Variants in HTR4 observed in about 807,000 individuals in gnomAD.
HTR4 encodes 5-hydroxytryptamine (serotonin) receptor 4, G protein-coupled.
Under a neutral mutation model 36.8 loss-of-function variants are expected in HTR4, and 16 were observed. The observed-to-expected ratio is 0.43, with a 90% confidence interval of 0.29 to 0.66. The LOEUF is 0.66. Ranked by LOEUF, HTR4 falls within the 30% of genes least tolerant of loss-of-function variation. The pLI is 0.13. For synonymous variants in HTR4, 189 were observed against 185.1 expected, an observed-to-expected ratio of 1.02 and a Z score of -0.17; for missense variants, 438 against 490.9, an observed-to-expected ratio of 0.89 and a Z score of 1.02.
chr5:148,601,140 GAGATAA>G (rs1347777930), intron 2 of HTR4, among the ~76,000 whole-genome samples: 1 of 151,806 alleles, frequency 6.6e-6, no homozygotes, highest in Non-Finnish European at 1.5e-5. Flanking sequence ...AAACCACAAT[GAGATAA>G]CACCTCACAT....
intron 2 of HTR4, among the ~76,000 whole-genome samples, chr5:148,578,860 G>A (rs576605263): frequency 6.6e-6 from 1 of 152,078 alleles, no homozygotes; most frequent in South Asian, 2.1e-4. Context: ...ATAACATATT[G>A]GAAAGGGCCC....
intron 1 of HTR4, among the ~76,000 whole-genome samples, chr5:148,651,298 G>A (rs78709424): frequency 0.011 from 1,737 of 152,274 alleles, 38 homozygotes; most frequent in African/African-American, 0.04. Context: ...TGAAAAGCAA[G>A]AGGGATAAAG....
At chr5:148,452,865 T>G (rs7713927) in intron 5 of HTR4, among the ~76,000 whole-genome samples, 63,867 of 152,078 alleles carry the variant, frequency 0.42, 15,870 homozygotes, top group African/African-American at 0.69. Flanking sequence ...GGCCAGGAAA[T>G]GTCCCAGTGA....
chr5:148,552,665 A>G (rs1383209389), intron 2 of HTR4, among the ~76,000 whole-genome samples: 2 of 152,066 alleles, frequency 1.3e-5, no homozygotes, highest in African/African-American at 2.4e-5. Context: ...AACATTTTTC[A>G]TTTTCTTTAC....
intron 5 of HTR4, among the ~76,000 whole-genome samples, chr5:148,466,977 T>A (rs1581342192): frequency 6.6e-6 from 1 of 152,196 alleles, no homozygotes. Flanking sequence ...CATAAGCCAG[T>A]GTGAAAATTT....
intron 6 of HTR4, 142 bp from the exon 7 acceptor site, chr5:148,483,435 T>G (rs1755989060): frequency 2.8e-6 from 2 of 714,484 alleles, no homozygotes; most frequent in Non-Finnish European, 4.9e-6. Context: ...GAATTTCCAT[T>G]GACAGGCCAG....
chr5:148,565,634 T>C (rs894700663), intron 2 of HTR4, among the ~76,000 whole-genome samples: 2 of 152,072 alleles, frequency 1.3e-5, no homozygotes, highest in Non-Finnish European at 2.9e-5. Context: ...TGCATTCTAT[T>C]CCACAACCAA....
At chr5:148,559,822 T>C (rs1760115285) in intron 2 of HTR4, among the ~76,000 whole-genome samples, 1 of 152,158 alleles carries the variant, frequency 6.6e-6, no homozygotes, top group South Asian at 2.1e-4. Flanking sequence ...ACCTCCTGCT[T>C]CAATGTGCCA....
chr5:148,488,284 G>C (rs62388962), intron 6 of HTR4, among the ~76,000 whole-genome samples: 1 of 151,972 alleles, frequency 6.6e-6, no homozygotes, highest in Non-Finnish European at 1.5e-5. Context: ...TGACAGCAAG[G>C]GGATTCAAAT....
chr5:148,567,655 G>T (rs1760502349), intron 2 of HTR4, among the ~76,000 whole-genome samples: 1 of 152,040 alleles, frequency 6.6e-6, no homozygotes, highest in Admixed American at 6.6e-5. Flanking sequence ...AGTGCGCTCT[G>T]ACCTGTGCGC....
intron 2 of HTR4, among the ~76,000 whole-genome samples, chr5:148,576,129 AAAAAC>A (rs1760904533): frequency 2.1e-5 from 3 of 143,966 alleles, no homozygotes; most frequent in South Asian, 4.4e-4. Context: ...AAAAAAAAAA[AAAAAC>A]AAAATCAATG....
chr5:148,520,412 A>C (rs531355888), intron 5 of HTR4, among the ~76,000 whole-genome samples: 9 of 152,172 alleles, frequency 5.9e-5, no homozygotes, highest in Non-Finnish European at 7.4e-5. Context: ...CAGGAGGTAG[A>C]AGTGCTGATC....
chr5:148,474,777 T>G (rs376786621), downstream of HTR4, among the ~76,000 whole-genome samples: 6 of 152,186 alleles, frequency 3.9e-5, no homozygotes, highest in East Asian at 1.2e-3. Flanking sequence ...CTCTGCTGTT[T>G]ATAACTTGCA....
chr5:148,510,485 C>T (rs1245077631), intron 5 of HTR4, among the ~76,000 whole-genome samples: 1 of 152,202 alleles, frequency 6.6e-6, no homozygotes, highest in Admixed American at 6.5e-5. Flanking sequence ...AACAGAATGT[C>T]TGCAGATCAG....
chr5:148,576,110 C>CAAAAAA (rs781780161), intron 2 of HTR4, among the ~76,000 whole-genome samples: 364 of 31,842 alleles, frequency 0.011, 2 homozygotes, highest in Middle Eastern at 0.028. Flanking sequence ...GACTCCGTCT[C>CAAAAAA]AAAAAAAAAA....
At chr5:148,509,315 C>G (rs748918799) in intron 6 of HTR4, 141 bp downstream of exon 6, 22 of 634,782 alleles carry the variant, frequency 3.5e-5, no homozygotes, top group Non-Finnish European at 5.4e-5. Flanking sequence ...TATTCCATGA[C>G]CAGATAGTAG....
At chr5:148,546,765 A>G (rs910716283) in intron 4 of HTR4, among the ~76,000 whole-genome samples, 4 of 152,220 alleles carry the variant, frequency 2.6e-5, no homozygotes, top group Admixed American at 2.0e-4. Flanking sequence ...CAGTCTCACT[A>G]CTCATTTTAA....
chr5:148,498,285 A>C (rs1412538211), intron 6 of HTR4, among the ~76,000 whole-genome samples: 1 of 152,184 alleles, frequency 6.6e-6, no homozygotes, highest in Non-Finnish European at 1.5e-5. Flanking sequence ...AAAGACTTTA[A>C]AGGAAGGAGG....
chr5:148,616,086 G>T (rs1334181298), intron 2 of HTR4, among the ~76,000 whole-genome samples: 1 of 152,204 alleles, frequency 6.6e-6, no homozygotes, highest in Non-Finnish European at 1.5e-5. Context: ...CCACGTATTA[G>T]CTCAATGAAT....
Sources: allele counts gnomAD v4.1 joint callset (sites outside exome capture counted in the v4.1 genomes callset), GRCh38; gene constraint gnomAD v4.1.1; transcripts MANE v1.5; gene names NCBI Gene and HGNC (gene_info 2026-07-23, HGNC 2026-07-21).